Variants in NFIX observed in about 807,000 individuals in gnomAD.
NFIX encodes nuclear factor 1 X-type.
In NFIX, 2 loss-of-function variants were observed where a neutral mutation model predicts 53.3. The ratio of observed to expected loss-of-function variants is 0.04; its 90% CI spans 0.02 to 0.12. The LOEUF is 0.12. Ranked by LOEUF, NFIX falls within the 10% of genes least tolerant of loss-of-function variation. The probability of loss-of-function intolerance (pLI) is 1.00; values close to 1 mark genes in which losing one functional copy is unlikely to be tolerated. For synonymous variants in NFIX, 244 were observed against 289.0 expected (o/e 0.84, Z 1.58); for missense variants, 310 against 674.5 (o/e 0.46, Z 5.99).
chr19:13,094,659 CAAAAG>C lies in NFIX; in HGVS notation c.*14_*18del, dbSNP rs2018332394. 1 of 1,535,464 alleles carries C rather than the reference CAAAAG, an allele frequency of 6.5e-7. No homozygotes were observed. ...GTCCTGGTTCCTCTGATAAGATCGACAAAAGAAACAACAAAATGAGAAGAAGAGGT... is the reference window on the plus strand; with the variant it reads ...GTCCTGGTTCCTCTGATAAGATCGACAAACAACAAAATGAGAAGAAGAGGT... On this transcript the variant is annotated 3_prime_UTR_variant, in exon 11 of 11. Transcript: ENST00000592199. This position sits in a 1 kb window ranked among gnomAD's most constrained non-coding sequence, Gnocchi z 4.3.
intron 8 of NFIX, among the ~76,000 whole-genome samples, chr19:13,086,215 C>T (rs773120427): frequency 2.0e-5 from 3 of 152,176 alleles, no homozygotes; most frequent in African/African-American, 7.2e-5. Flanking sequence ...TAGAGGCATC[C>T]GTGGGGGCCT....
chr19:13,073,258 G>A lies in NFIX; in HGVS notation c.622+149G>A. The A allele has an allele frequency of 2.1e-6, 2 of 963,320 alleles. No individual in the cohort carries two copies. The highest frequency in any genetic ancestry group is 1.7e-6 in the Non-Finnish European group (1 of 594,032). 59.7% of individuals were successfully genotyped at this position (963,320 alleles called of 1,614,324 possible). On this transcript the variant is annotated intron_variant, in intron 3 of 10. Coordinates refer to ENST00000592199, the MANE Select transcript of NFIX (RefSeq NM_001365902.3). The surrounding 1 kb of genome is among the most constrained non-coding windows in gnomAD (Gnocchi z 4.5). ...TAGCTTGCTGTCCTGAGGGGATGGG[G>A]GCACACCTAGAGGATCCCCCCTGTT...
chr19:13,027,343 GA>G lies in NFIX; in HGVS notation c.559+1799del, dbSNP rs955619317. On this transcript the variant is annotated intron_variant, in intron 2 of 10. Coordinates refer to ENST00000592199, the MANE Select transcript of NFIX (RefSeq NM_001365902.3). The surrounding 1 kb of genome is among the most constrained non-coding windows in gnomAD (Gnocchi z 4.3). ...TCTTTTTGGAAAACAGACTGAGAGG[GA>G]AAAAAAAGTTATCCCCTCATTCTCT... Among the ~76,000 whole-genome samples, 1 of 151,746 alleles carries G rather than the reference GA, an allele frequency of 6.6e-6. No individual in the cohort carries two copies. Among genetic ancestry groups the G allele is most frequent in the Non-Finnish European group, 1.5e-5 (1 of 67,918 alleles).
At position 13,002,617 on chromosome 19, in the gene NFIX, T is replaced by A. The variant is rs916924278; in HGVS notation, c.27+6753T>A. ...CGGAGCTGGGGTGTCTGGCTTCTGG[T>A]GGGGCTGGCAGGCCTCTGTGAGGCG... is the stretch of plus-strand genomic sequence containing the variant. On this transcript the variant is annotated intron_variant, in intron 1 of 10. Coordinates refer to ENST00000592199, the MANE Select transcript of NFIX (RefSeq NM_001365902.3). This position sits in a 1 kb window ranked among gnomAD's most constrained non-coding sequence, Gnocchi z 6.1. Among the ~76,000 whole-genome samples, 1 of 152,080 alleles carries A rather than the reference T, an allele frequency of 6.6e-6. No homozygotes were observed. The highest frequency in any genetic ancestry group is 1.5e-5 in the Non-Finnish European group (1 of 67,974).
At position 13,051,912 on chromosome 19, in the gene NFIX, G is replaced by A. The variant is rs970373772; in HGVS notation, c.560-21135G>A. ...TGCGGGAAGGCACTTCTTAGGCGCC[G>A]CCTCCTCCTCACAGCGCCCGCCTTC... On this transcript the variant is annotated intron_variant, in intron 2 of 10. Transcript: ENST00000592199. This position sits in a 1 kb window ranked among gnomAD's most constrained non-coding sequence, Gnocchi z 5.1. 1.3e-5 allele frequency among the ~76,000 whole-genome samples: 2 copies of A among 152,114 alleles called. No individual in the cohort carries two copies. Among genetic ancestry groups the A allele is most frequent in the African/African-American group, 4.8e-5 (2 of 41,416 alleles).
intron 2 of NFIX, among the ~76,000 whole-genome samples, chr19:13,041,985 C>G (rs2014660086): frequency 6.6e-6 from 1 of 151,972 alleles, no homozygotes; most frequent in Non-Finnish European, 1.5e-5. Flanking sequence ...GCAAGTTCCG[C>G]CTCCCAGATT....
chr19:12,995,520 C>CG lies in NFIX; in HGVS notation c.-316dup. On this transcript the variant is annotated 5_prime_UTR_variant, in exon 1 of 11. Coordinates refer to ENST00000592199, the MANE Select transcript of NFIX (RefSeq NM_001365902.3). ...AGCGCGGCGGCTGCGGCGGCGGCGG[C>CG]GGCGGGCGAGGGTGACCGGCCGAGC... The CG allele has an allele frequency of 1.3e-5, 2 of 154,474 alleles. No homozygotes were observed. Among genetic ancestry groups the CG allele is most frequent in the Non-Finnish European group, 2.8e-5 (2 of 70,742 alleles). The allele number at this position is 154,474 out of a possible 1,614,324, so 9.6% of individuals were successfully genotyped here.
At chr19:13,023,341 G>T (rs1397815629) in intron 1 of NFIX, among the ~76,000 whole-genome samples, 1 of 141,958 alleles carries the variant, frequency 7.0e-6, no homozygotes, top group Non-Finnish European at 1.5e-5. Context: ...TCCCTCCCTC[G>T]CTCCCTCTCT....
intron 2 of NFIX, among the ~76,000 whole-genome samples, chr19:13,053,592 A>G (rs774404718): frequency 1.3e-5 from 2 of 152,046 alleles, no homozygotes; most frequent in African/African-American, 2.4e-5. Flanking sequence ...CCTCCAGCCC[A>G]TCCTCCATCC....
intron 2 of NFIX, among the ~76,000 whole-genome samples, chr19:13,033,718 C>T (rs1319200107): frequency 6.6e-6 from 1 of 152,242 alleles, no homozygotes; most frequent in East Asian, 1.9e-4. Context: ...CCTGAATTCT[C>T]ACCCTGATTC....
At chr19:12,999,499 C>G (rs991896931) in intron 1 of NFIX, among the ~76,000 whole-genome samples, 20 of 148,568 alleles carry the variant, frequency 1.3e-4, no homozygotes, top group Admixed American at 1.3e-3. Flanking sequence ...CACACACACA[C>G]ACACACACAC....
chr19:13,020,578 A>G lies in NFIX; in HGVS notation c.28-4443A>G, dbSNP rs373627134. Among the ~76,000 whole-genome samples, 16 of 152,330 alleles carry G rather than the reference A, an allele frequency of 1.1e-4. No homozygotes were observed. In the East Asian group the frequency reaches 2.3e-3, roughly 22 times the overall value. ...GAATCTTCTGCCCACCTGCAAGGTT[A>G]TAGCCACTGGCAGGAGAAGGACAAT... On this transcript the variant is annotated intron_variant, in intron 1 of 10. Coordinates refer to ENST00000592199, the MANE Select transcript of NFIX (RefSeq NM_001365902.3).
At chr19:13,047,859 AG>A (rs2015087058) in intron 2 of NFIX, among the ~76,000 whole-genome samples, 1 of 152,142 alleles carries the variant, frequency 6.6e-6, no homozygotes, top group Non-Finnish European at 1.5e-5. Context: ...CCATGGTGGC[AG>A]CATTCCGGCC....
rs2145431989 is a variant in NFIX at position 13,073,302 on chromosome 19, T to C, written c.623-120T>C. 9.9e-7 allele frequency: 1 copy of C among 1,006,944 alleles called. No homozygotes were observed. The highest frequency in any genetic ancestry group is 1.6e-6 in the Non-Finnish European group (1 of 630,996). 62.4% of individuals were successfully genotyped at this position (1,006,944 alleles called of 1,614,324 possible). The stretch of plus-strand genomic sequence containing the variant: ...CCCTGTTCGGTGTAGACCTGAGGGC[T>C]AGCCTGGAGCTGGAAACGGGACTTG... On this transcript the variant is annotated intron_variant, in intron 3 of 10. Coordinates refer to ENST00000592199, the MANE Select transcript of NFIX (RefSeq NM_001365902.3). This position sits in a 1 kb window ranked among gnomAD's most constrained non-coding sequence, Gnocchi z 4.5.
In NFIX at chr19:13,060,468, C is replaced by T. The variant is rs1013266349; in HGVS notation, c.560-12579C>T. Among the ~76,000 whole-genome samples the T allele has an allele frequency of 6.6e-5, 10 of 152,234 alleles. No individual in the cohort carries two copies. Among genetic ancestry groups the T allele is most frequent in the African/African-American group, 2.4e-4 (10 of 41,458 alleles). On this transcript the variant is annotated intron_variant, in intron 2 of 10. Coordinates refer to ENST00000592199, the MANE Select transcript of NFIX (RefSeq NM_001365902.3). This position sits in a 1 kb window ranked among gnomAD's most constrained non-coding sequence, Gnocchi z 4.3. ...CTTGTGCTGCACCCTCTGACCACAA[C>T]TTTGTGGGGCGCCTGCTGTGTGCAG...
intron 7 of NFIX, among the ~76,000 whole-genome samples, chr19:13,079,407 G>A (rs1186885496): frequency 6.6e-6 from 1 of 152,236 alleles, no homozygotes; most frequent in Non-Finnish European, 1.5e-5. Flanking sequence ...TCGCCCTGAG[G>A]AGATAGGATC....
intron 2 of NFIX, among the ~76,000 whole-genome samples, chr19:13,042,064 A>AT (rs34720058): frequency 7.2e-6 from 1 of 138,484 alleles, no homozygotes; most frequent in Non-Finnish European, 1.6e-5. Context: ...CACCTGGCTA[A>AT]TTTTTTTTTT....
At chr19:13,019,518 T>C (rs1354203971) in intron 1 of NFIX, among the ~76,000 whole-genome samples, 2 of 152,156 alleles carry the variant, frequency 1.3e-5, no homozygotes, top group Non-Finnish European at 2.9e-5. Flanking sequence ...TCCTTCTTTC[T>C]TTTCAGTTGT....
intron 2 of NFIX, among the ~76,000 whole-genome samples, chr19:13,063,355 C>T (rs374513695): frequency 3.9e-5 from 6 of 152,284 alleles, no homozygotes; most frequent in African/African-American, 1.4e-4. Context: ...GGCTCCTTGT[C>T]CTGGGGTCTC....
Sources: allele counts gnomAD v4.1 joint callset (sites outside exome capture counted in the v4.1 genomes callset), GRCh38; gene constraint gnomAD v4.1.1; non-coding constraint Gnocchi (gnomAD v3.1); transcripts MANE v1.5; gene names NCBI Gene and HGNC (gene_info 2026-07-23, HGNC 2026-07-21).